LIMK2: variants seen among roughly 807,000 people sequenced by gnomAD.
The protein encoded by LIMK2 is LIM domain kinase 2.
In LIMK2, 35 loss-of-function variants were observed where a neutral mutation model predicts 75.7. The observed-to-expected ratio is 0.46, with a 90% CI of 0.35 to 0.61. The LOEUF is 0.61. LIMK2 is among the 20% of genes least tolerant of loss of function. The pLI is 0.00. For synonymous variants in LIMK2, 301 were observed against 319.2 expected (o/e 0.94, Z 0.61); for missense variants, 623 against 831.0 (o/e 0.75, Z 3.08).
At chr22:31,236,584 G>A (rs1251219678) in intron 2 of LIMK2, among the ~76,000 whole-genome samples, 1 of 149,228 alleles carries the variant, frequency 6.7e-6, no homozygotes, top group Admixed American at 6.7e-5. Flanking sequence ...ATGCCAGCCT[G>A]GATGACAGAG....
At position 31,276,622 on chromosome 22, in the gene LIMK2, C is replaced by G. The variant is rs1434666929; in HGVS notation, c.1772+1314C>G. On this transcript the variant is annotated intron_variant, in intron 15 of 15. Transcript: ENST00000331728. ...AGCCGGCGAGCTAACCTGAGCCAGC[C>G]GGCGGGCGTCACGGAGGCGGCGGCA... Among the ~76,000 whole-genome samples, 16 of 146,386 alleles carry G rather than the reference C, an allele frequency of 1.1e-4. No individual in the cohort carries two copies. The South Asian group carries it at 2.3e-3, about 21-fold the overall frequency.
intron 2 of LIMK2, among the ~76,000 whole-genome samples, chr22:31,241,056 A>G (rs1010218794): frequency 2.0e-5 from 3 of 152,182 alleles, no homozygotes; most frequent in Non-Finnish European, 2.9e-5. Context: ...TTGGTTTTCA[A>G]TTGTTAGTGT....
chr22:31,276,322 T>TA (rs754019299), intron 15 of LIMK2, among the ~76,000 whole-genome samples: 1 of 152,174 alleles, frequency 6.6e-6, no homozygotes, highest in Non-Finnish European at 1.5e-5. Context: ...GCACAGGAAA[T>TA]ACGTCTTCTG....
At chr22:31,245,700 G>A (rs940181649) in intron 2 of LIMK2, among the ~76,000 whole-genome samples, 1 of 151,892 alleles carries the variant, frequency 6.6e-6, no homozygotes. Context: ...TTGGCCTCTC[G>A]AATGCTGGGA....
chr22:31,258,593 G>A lies in LIMK2; in HGVS notation c.252+167G>A, dbSNP rs546091045. On this transcript the variant is annotated intron_variant, in intron 3 of 15. Coordinates refer to ENST00000331728, the MANE Select transcript of LIMK2 (RefSeq NM_005569.4). The stretch of plus-strand genomic sequence containing the variant: ...GGTATCAATTGAGCACCTACTAAGT[G>A]AAAGGTAAGATCCTTCCCTCAAAGA... The A allele has an allele frequency of 8.8e-4, 588 of 670,002 alleles. 8 individuals are homozygous for A. In the South Asian group the frequency reaches 0.012, roughly 14 times the overall value. 41.5% of individuals were successfully genotyped at this position (670,002 alleles called of 1,614,324 possible).
chr22:31,276,209 T>C (rs2049013028), intron 15 of LIMK2, among the ~76,000 whole-genome samples: 1 of 152,182 alleles, frequency 6.6e-6, no homozygotes, highest in Non-Finnish European at 1.5e-5. Flanking sequence ...CACTCCAGCC[T>C]CGGCAACAAG....
chr22:31,272,776 G>A, intron 13 of LIMK2, 72 bp downstream of exon 13: 1 of 1,503,382 alleles, frequency 6.7e-7, no homozygotes, highest in Middle Eastern at 2.4e-4. Context: ...AGAGCCCTGG[G>A]AATTCCAGGG....
intron 7 of LIMK2, among the ~76,000 whole-genome samples, chr22:31,264,835 A>G (rs1228395223): frequency 3.3e-5 from 5 of 151,426 alleles, no homozygotes; most frequent in African/African-American, 1.2e-4. Context: ...GAGGTGGGCG[A>G]ATCACAAGGT....
intron 2 of LIMK2, among the ~76,000 whole-genome samples, chr22:31,257,845 G>C (rs1323428630): frequency 2.0e-5 from 3 of 152,314 alleles, no homozygotes; most frequent in South Asian, 2.1e-4. Context: ...GTTTTGAAGA[G>C]TGGAGATGAT....
chr22:31,271,664 T>C (rs140721438), intron 12 of LIMK2, among the ~76,000 whole-genome samples: 142 of 152,286 alleles, frequency 9.3e-4, no homozygotes, highest in African/African-American at 3.3e-3. Flanking sequence ...TTTGTCTTAC[T>C]GACTTGCTAT....
At chr22:31,276,740 G>A (rs541236463) in intron 15 of LIMK2, 9 of 1,530,884 alleles carry the variant, frequency 5.9e-6, no homozygotes, top group South Asian at 2.4e-5. Context: ...CCCCGGCCCC[G>A]GCCCCCAGGC....
chr22:31,258,420 T>C lies in LIMK2; in HGVS notation c.246T>C (p.Pro82=), dbSNP rs2048806428. ...GGTGCTCCCTGCTGATGACAGGGCC[T>C]TTTATGGTGAGTGAATCCCTTCATA... ...CHGCSLLMTG[P]FMVAGEFKYH... is the part of the protein sequence containing the mutation. Residue 82 remains proline, a synonymous_variant, in exon 3 of 16, where the codon CCT becomes CCC. Transcript: ENST00000331728. The C allele has an allele frequency of 6.2e-7, 1 of 1,613,990 alleles. No homozygotes were observed. The highest frequency in any genetic ancestry group is 2.2e-5 in the East Asian group (1 of 44,864).
intron 2 of LIMK2, among the ~76,000 whole-genome samples, chr22:31,257,656 C>T (rs2048797817): frequency 1.3e-5 from 2 of 152,204 alleles, no homozygotes; most frequent in South Asian, 4.1e-4. Flanking sequence ...TATTTGGTTG[C>T]TGTGTCTCTA....
At position 31,252,542 on chromosome 22, in the gene LIMK2, TA is replaced by T. The variant is rs5844940; in HGVS notation, c.117-5732del. On this transcript the variant is annotated intron_variant, in intron 2 of 15. Coordinates refer to ENST00000331728, the MANE Select transcript of LIMK2 (RefSeq NM_005569.4). ...GGTGACAGAGTAAGACTCTGTCTCT[TA>T]AAAAAAAAAAAAAAAAGTTGATTTC... Among the ~76,000 whole-genome samples the T allele has an allele frequency of 6.8e-3, 945 of 138,216 alleles. 11 individuals are homozygous for T. The highest frequency in any genetic ancestry group is 0.02 in the African/African-American group (741 of 36,846). 90.7% of individuals were successfully genotyped at this position (138,216 alleles called of 152,430 possible).
chr22:31,220,272 C>T (rs566314672), intron 1 of LIMK2, among the ~76,000 whole-genome samples: 1 of 152,142 alleles, frequency 6.6e-6, no homozygotes, highest in African/African-American at 2.4e-5. Context: ...AAACTGAGGC[C>T]AGGTTTATCC....
intron 1 of LIMK2, among the ~76,000 whole-genome samples, chr22:31,217,770 C>T (rs2123762341): frequency 6.6e-6 from 1 of 152,260 alleles, no homozygotes; most frequent in Middle Eastern, 3.4e-3. Context: ...GTCTGGGTGG[C>T]CTGAAAGACA....
chr22:31,233,451 C>T (rs756214426), intron 2 of LIMK2, among the ~76,000 whole-genome samples: 1 of 152,184 alleles, frequency 6.6e-6, no homozygotes, highest in African/African-American at 2.4e-5. Flanking sequence ...TTTGCTTATC[C>T]TTCTTTGTCC....
chr22:31,276,829 G>A (rs1182019937), intron 15 of LIMK2: 1 of 1,611,874 alleles, frequency 6.2e-7, no homozygotes, highest in East Asian at 2.2e-5. Flanking sequence ...GGGCTGCGCG[G>A]ATGATGAGGG....
intron 2 of LIMK2, among the ~76,000 whole-genome samples, chr22:31,236,199 C>T (rs555369959): frequency 6.1e-5 from 9 of 148,708 alleles, no homozygotes; most frequent in East Asian, 2.0e-4. Context: ...GAGCCTGAGG[C>T]GGGAGAAACA....
Sources: gnomAD v4.1 joint callset for allele counts (sites outside exome capture counted in the v4.1 genomes callset) on GRCh38, gnomAD v4.1.1 for gene constraint, MANE v1.5 for transcripts, NCBI Gene and HGNC (gene_info 2026-07-23, HGNC 2026-07-21) for gene names.